Variants in SPRED1 observed in about 807,000 individuals in gnomAD.
SPRED1 encodes sprouty related EVH1 domain containing 1.
SPRED1 carries 18 observed loss-of-function variants against 52.3 expected under a neutral mutation model. That is an observed-to-expected ratio of 0.34 (90% CI 0.24 to 0.51). SPRED1 has a LOEUF of 0.51. SPRED1 is among the 20% of genes least tolerant of loss of function. The probability of loss-of-function intolerance (pLI) is 0.97; values close to 1 mark genes in which losing one functional copy is unlikely to be tolerated. For synonymous variants in SPRED1, 155 were observed against 179.7 expected (o/e 0.86, Z 1.10); for missense variants, 485 against 551.0 (o/e 0.88, Z 1.20).
intron 1 of SPRED1, among the ~76,000 whole-genome samples, chr15:38,262,472 TG>T (rs1456259451): frequency 3.9e-5 from 6 of 152,038 alleles, no homozygotes; most frequent in Admixed American, 1.3e-4. Context: ...GAGCATGGAA[TG>T]GGGGAAGGGT....
Position 38,339,760 on chromosome 15 carries a change from T to C in SPRED1, c.447T>C (p.Ser149=). 1 of 1,613,878 alleles carries C rather than the reference T, an allele frequency of 6.2e-7. No individual in the cohort carries two copies. Among genetic ancestry groups the C allele is most frequent in the Non-Finnish European group, 8.5e-7 (1 of 1,179,900 alleles). ...DLQANEEDSS[S]SLVKDHLFQQ... ...AGGCAAATGAAGAGGATTCTTCCAG[T>C]TCTCTAGTGAAGGATCACCTTTTTC... Residue 149 remains serine (S), a synonymous_variant, in exon 5 of 7, where the codon AGT becomes AGC. Coordinates refer to ENST00000299084, the MANE Select transcript of SPRED1 (RefSeq NM_152594.3).
At chr15:38,263,809 G>A (rs568980260) in intron 1 of SPRED1, among the ~76,000 whole-genome samples, 7 of 151,956 alleles carry the variant, frequency 4.6e-5, no homozygotes, top group African/African-American at 9.7e-5. Flanking sequence ...TAGCGGATGC[G>A]CTAAAAAAAA....
intron 4 of SPRED1, among the ~76,000 whole-genome samples, chr15:38,338,588 C>T (rs996453057): frequency 6.6e-6 from 1 of 152,042 alleles, no homozygotes; most frequent in Non-Finnish European, 1.5e-5. Context: ...ACAGTAGATT[C>T]TCAGATATAT....
intron 1 of SPRED1, among the ~76,000 whole-genome samples, chr15:38,274,463 T>C (rs1894505429): frequency 6.6e-6 from 1 of 152,232 alleles, no homozygotes; most frequent in South Asian, 2.1e-4. Flanking sequence ...TTTATGAAAC[T>C]ACATATATAT....
intron 1 of SPRED1, among the ~76,000 whole-genome samples, chr15:38,262,628 G>T (rs1423273947): frequency 6.6e-6 from 1 of 150,430 alleles, no homozygotes; most frequent in Non-Finnish European, 1.5e-5. Context: ...GTGTAGATTT[G>T]TGCTTACCTG....
chr15:38,334,115 C>T (rs1427796070), intron 4 of SPRED1, among the ~76,000 whole-genome samples: 2 of 151,800 alleles, frequency 1.3e-5, no homozygotes, highest in African/African-American at 4.8e-5. Flanking sequence ...CTGATTATTG[C>T]TACACATGTC....
At chr15:38,304,265 T>C (rs1223667572) in intron 2 of SPRED1, among the ~76,000 whole-genome samples, 1 of 152,228 alleles carries the variant, frequency 6.6e-6, no homozygotes, top group African/African-American at 2.4e-5. Flanking sequence ...AAGAATTTCC[T>C]GCTAAGCTTT....
intron 2 of SPRED1, among the ~76,000 whole-genome samples, chr15:38,313,365 G>A (rs899782720): frequency 2.4e-4 from 36 of 151,912 alleles, no homozygotes; most frequent in African/African-American, 8.0e-4. Flanking sequence ...AAAGAATACT[G>A]GGCAGTTATT....
intron 1 of SPRED1, among the ~76,000 whole-genome samples, chr15:38,297,299 AG>A (rs1389831237): frequency 6.6e-6 from 1 of 152,226 alleles, no homozygotes; most frequent in Non-Finnish European, 1.5e-5. Flanking sequence ...TTAATAAAGA[AG>A]GAACATCTTA....
intron 1 of SPRED1, among the ~76,000 whole-genome samples, chr15:38,273,256 C>G (rs935765140): frequency 4.6e-5 from 7 of 152,132 alleles, no homozygotes; most frequent in African/African-American, 1.7e-4. Context: ...GGACCCCTAC[C>G]TTTCACCATG....
intron 1 of SPRED1, among the ~76,000 whole-genome samples, chr15:38,273,796 G>A (rs1015829205): frequency 1.6e-4 from 25 of 152,070 alleles, no homozygotes; most frequent in African/African-American, 5.8e-4. Context: ...ATTGGAAGAC[G>A]AAGGGAGGAT....
At chr15:38,269,893 A>ATTTC (rs1248089326) in intron 1 of SPRED1, among the ~76,000 whole-genome samples, 5 of 141,066 alleles carry the variant, frequency 3.5e-5, no homozygotes, top group African/African-American at 1.3e-4. Context: ...AATCTGGAGC[A>ATTTC]TTTCTTTCTT....
At chr15:38,273,123 T>G (rs1171456481) in intron 1 of SPRED1, among the ~76,000 whole-genome samples, 3 of 152,186 alleles carry the variant, frequency 2.0e-5, no homozygotes, top group Non-Finnish European at 4.4e-5. Context: ...GAATGGTGAT[T>G]TCTAGGTTTT....
chr15:38,299,213 C>A, intron 1 of SPRED1, 160 bp from the exon 2 acceptor site: 1 of 846,054 alleles, frequency 1.2e-6, no homozygotes, highest in Non-Finnish European at 2.0e-6. Context: ...TTTTTGACCT[C>A]TTTCAAGTAG....
chr15:38,295,653 T>C (rs1237741298), intron 1 of SPRED1, among the ~76,000 whole-genome samples: 1 of 152,176 alleles, frequency 6.6e-6, no homozygotes, highest in African/African-American at 2.4e-5. Context: ...TGAATACATA[T>C]TATGTTTAAC....
At chr15:38,277,252 G>GT (rs942141717) in intron 1 of SPRED1, among the ~76,000 whole-genome samples, 2 of 152,150 alleles carry the variant, frequency 1.3e-5, no homozygotes, top group African/African-American at 2.4e-5. Context: ...TCAATAGGTG[G>GT]TTTTTTTGAT....
At chr15:38,255,868 C>T (rs982093017) in intron 1 of SPRED1, among the ~76,000 whole-genome samples, 2 of 151,968 alleles carry the variant, frequency 1.3e-5, no homozygotes, top group Non-Finnish European at 2.9e-5. Context: ...TCTTTAGTTT[C>T]TTTTTCACCT....
rs1896203831 is a variant in SPRED1, at chr15:38,349,351, A to C, written c.583-71A>C. The C allele has an allele frequency of 9.3e-6, 11 of 1,179,786 alleles. No homozygotes were observed. The South Asian group carries it at 1.4e-4, about 15-fold the overall frequency. The allele number at this position is 1,179,786 out of a possible 1,614,324, so 73.1% of individuals were successfully genotyped here. ...CTGCTAATAAATTATGAGGTTTTGGAACATACACTGTACAGTTTCATTAAA... is the reference window on the plus strand; with the variant it reads ...CTGCTAATAAATTATGAGGTTTTGGCACATACACTGTACAGTTTCATTAAA... On this transcript the variant is annotated intron_variant, in intron 5 of 6. Coordinates refer to ENST00000299084, the MANE Select transcript of SPRED1 (RefSeq NM_152594.3).
chr15:38,292,651 A>T (rs1373763660), intron 1 of SPRED1, among the ~76,000 whole-genome samples: 1 of 152,196 alleles, frequency 6.6e-6, no homozygotes, highest in East Asian at 1.9e-4. Flanking sequence ...AGAATAGCAC[A>T]GGAAAGACCG....
Sources: gnomAD v4.1 joint callset for allele counts (sites outside exome capture counted in the v4.1 genomes callset) on GRCh38, gnomAD v4.1.1 for gene constraint, MANE v1.5 for transcripts, NCBI Gene and HGNC (gene_info 2026-07-23, HGNC 2026-07-21) for gene names.